SDK1: variants seen among roughly 807,000 people sequenced by gnomAD.
The protein encoded by SDK1 is sidekick cell adhesion molecule 1.
Under a neutral mutation model 245.5 loss-of-function variants are expected in SDK1, and 157 were observed. The ratio of observed to expected loss-of-function variants is 0.64; its 90% confidence interval spans 0.56 to 0.73. The LOEUF (loss-of-function observed/expected upper bound fraction) is 0.73, where lower values mean the gene tolerates loss of function less well. Ranked by LOEUF, SDK1 falls within the 30% of genes least tolerant of loss-of-function variation. The pLI is 0.00. For synonymous variants in SDK1, 1,647 were observed against 1,278.5 expected, an observed-to-expected ratio of 1.29 and a Z score of -6.15; for missense variants, 3,583 against 3,002.3, an observed-to-expected ratio of 1.19 and a Z score of -4.52.
chr7:3,731,624 T>G (rs962438749), intron 4 of SDK1, among the ~76,000 whole-genome samples: 5 of 152,200 alleles, frequency 3.3e-5, no homozygotes, highest in African/African-American at 9.6e-5. Context: ...TTTCTATCTC[T>G]TGGTCATTTT....
intron 19 of SDK1, among the ~76,000 whole-genome samples, chr7:4,055,742 TC>T (rs1779154857): frequency 6.6e-6 from 1 of 152,132 alleles, no homozygotes. Flanking sequence ...TGAAGACCTT[TC>T]CTTGTTTCCA....
chr7:3,791,624 G>A (rs569039907), intron 4 of SDK1, among the ~76,000 whole-genome samples: 102 of 152,272 alleles, frequency 6.7e-4, no homozygotes, highest in Non-Finnish European at 1.1e-3. Context: ...CCTTGGGTGG[G>A]GAGGACGATT....
rs190049839 is a variant in SDK1, at chr7:3,642,099, A to G, written c.707A>G (p.Asn236Ser). 181 of 1,614,044 alleles carry G rather than the reference A, an allele frequency of 1.1e-4. 2 individuals are homozygous for G. The East Asian group carries it at 3.9e-3, about 35-fold the overall frequency. Residue 236 changes from asparagine to serine, a missense_variant, in exon 4 of 45, where the codon AAC (asparagine) becomes AGC (serine). Transcript: ENST00000404826. ...FREGHKIIPS[N>S]RIAITLENQL... ...GAAGGGCACAAGATTATTCCAAGCA[A>G]CAGAATGTAAGTTGCTCCAAACGTT...
intron 1 of SDK1, among the ~76,000 whole-genome samples, chr7:3,325,233 G>A (rs919385617): frequency 1.3e-5 from 2 of 151,934 alleles, no homozygotes; most frequent in Non-Finnish European, 2.9e-5. Context: ...ACAAGGATTC[G>A]TGATCTGAGC....
chr7:4,020,286 G>C (rs1434788316), intron 17 of SDK1, among the ~76,000 whole-genome samples: 1 of 151,998 alleles, frequency 6.6e-6, no homozygotes, highest in Non-Finnish European at 1.5e-5. Context: ...TCCATGGCCT[G>C]GGGGACATGG....
chr7:3,524,689 C>T lies in SDK1; in HGVS notation c.299-94391C>T, dbSNP rs1004853641. On this transcript the variant is annotated intron_variant, in intron 1 of 44. Transcript: ENST00000404826. ...TGAGAGCAGCATGTTTGATAGTCAA[C>T]GTTAGGAGCTCACCTTTAGACATGT... is the stretch of plus-strand genomic sequence containing the variant. Among the ~76,000 whole-genome samples the T allele has an allele frequency of 1.2e-4, 18 of 152,248 alleles. 1 individual carries two copies. The highest frequency in any genetic ancestry group is 1.1e-3 in the Admixed American group (17 of 15,272).
intron 4 of SDK1, among the ~76,000 whole-genome samples, chr7:3,809,246 G>C (rs1466960061): frequency 6.6e-6 from 1 of 152,092 alleles, no homozygotes; most frequent in African/African-American, 2.4e-5. Context: ...TAAACAGCCA[G>C]ATCTCACAAG....
intron 32 of SDK1, among the ~76,000 whole-genome samples, chr7:4,169,467 C>T (rs1781697443): frequency 6.6e-6 from 1 of 152,214 alleles, no homozygotes. Context: ...CTTCTCCCCT[C>T]ATCAAAAGCC....
Position 3,706,842 on chromosome 7 carries a change from G to A in SDK1, c.713+64737G>A, listed in dbSNP as rs116025011. ...ATTTCCTCCAGATTTTCTAATTTGT[G>A]TGCACAAAGGTGTTCATAGTAGTAT... On this transcript the variant is annotated intron_variant, in intron 4 of 44. Coordinates refer to ENST00000404826, the MANE Select transcript of SDK1 (RefSeq NM_152744.4). Among the ~76,000 whole-genome samples, 272 of 152,210 alleles carry A rather than the reference G, an allele frequency of 1.8e-3. 1 individual carries two copies. Among genetic ancestry groups the A allele is most frequent in the African/African-American group, 6.2e-3 (259 of 41,530 alleles).
chr7:3,764,455 G>A (rs564748672), intron 4 of SDK1, among the ~76,000 whole-genome samples: 1 of 152,304 alleles, frequency 6.6e-6, no homozygotes, highest in Admixed American at 6.5e-5. Context: ...GGAGGCCGAG[G>A]CGGGTGGATC....
At chr7:4,050,880 A>C in intron 18 of SDK1, among the ~76,000 whole-genome samples, 1 of 144,254 alleles carries the variant, frequency 6.9e-6, no homozygotes, top group Non-Finnish European at 1.5e-5. Flanking sequence ...TATATATTAT[A>C]TATACCATAT....
chr7:4,156,835 T>C (rs930574698), intron 30 of SDK1, among the ~76,000 whole-genome samples: 4 of 152,172 alleles, frequency 2.6e-5, no homozygotes, highest in African/African-American at 9.7e-5. Flanking sequence ...TGAAAGCCAC[T>C]GGTTTACAGA....
intron 1 of SDK1, among the ~76,000 whole-genome samples, chr7:3,354,340 A>C (rs956300717): frequency 2.6e-5 from 4 of 152,128 alleles, no homozygotes; most frequent in African/African-American, 4.8e-5. Flanking sequence ...GAAAAAAAAA[A>C]CAGGGATATA....
intron 1 of SDK1, among the ~76,000 whole-genome samples, chr7:3,430,381 A>G (rs1249758317): frequency 6.6e-6 from 1 of 152,112 alleles, no homozygotes; most frequent in African/African-American, 2.4e-5. Flanking sequence ...CTACAAGCGT[A>G]TTTCACATTC....
intron 1 of SDK1, among the ~76,000 whole-genome samples, chr7:3,487,434 G>GA (rs1055483019): frequency 4.0e-5 from 6 of 150,922 alleles, no homozygotes; most frequent in African/African-American, 4.9e-5. Context: ...TCAGGAGGAG[G>GA]AAAAAAAAAT....
intron 5 of SDK1, among the ~76,000 whole-genome samples, chr7:3,831,798 G>C (rs749111119): frequency 2.0e-5 from 3 of 152,242 alleles, no homozygotes; most frequent in Non-Finnish European, 4.4e-5. Flanking sequence ...CTCATGCCCA[G>C]TGCTTTGGGA....
chr7:3,784,396 A>G (rs1353686319), intron 4 of SDK1, among the ~76,000 whole-genome samples: 1 of 152,166 alleles, frequency 6.6e-6, no homozygotes, highest in Non-Finnish European at 1.5e-5. Context: ...AAAGTCTTAA[A>G]TATAAGATGA....
At position 4,079,591 on chromosome 7, in the gene SDK1, G is replaced by C; in HGVS notation, c.3324+7G>C. 1.9e-6 allele frequency: 3 copies of C among 1,614,122 alleles called. No homozygotes were observed. Among genetic ancestry groups the C allele is most frequent in the Non-Finnish European group, 2.5e-6 (3 of 1,179,952 alleles). The stretch of plus-strand genomic sequence containing the variant: ...GTGGATTGTTGAGGGGCAGGTACGT[G>C]TGTCGTTAGACTGGGAGCTGGCATT... On this transcript the variant is annotated splice_region_variant and intron_variant, in intron 22 of 44. Coordinates refer to ENST00000404826, the MANE Select transcript of SDK1 (RefSeq NM_152744.4).
intron 1 of SDK1, among the ~76,000 whole-genome samples, chr7:3,414,021 G>A (rs1003896129): frequency 1.3e-5 from 2 of 152,160 alleles, no homozygotes; most frequent in African/African-American, 4.8e-5. Context: ...TGGATTGGGA[G>A]GGGGCAAGGG....
Sources: gnomAD v4.1 joint callset for allele counts (sites outside exome capture counted in the v4.1 genomes callset) on GRCh38, gnomAD v4.1.1 for gene constraint, MANE v1.5 for transcripts, NCBI Gene and HGNC (gene_info 2026-07-23, HGNC 2026-07-21) for gene names.